The following NELL2 variants were observed in gnomAD, a reference collection of about 807,000 sequenced individuals.
The protein encoded by NELL2 is neural EGFL like 2, also known as protein kinase C-binding protein NELL2.
A neutral mutation model predicts 109.6 loss-of-function variants in NELL2; 41 were observed. The ratio of observed to expected loss-of-function variants is 0.37; its 90% CI spans 0.29 to 0.49. The LOEUF (loss-of-function observed/expected upper bound fraction) is 0.49. Ranked by LOEUF, NELL2 falls within the 20% of genes least tolerant of loss-of-function variation. The pLI, the probability that NELL2 is intolerant of heterozygous loss-of-function variation, is 0.98. For synonymous variants in NELL2, 355 were observed against 344.7 expected (o/e 1.03, Z -0.33); for missense variants, 900 against 1,008.3 (o/e 0.89, Z 1.45).
intron 9 of NELL2, among the ~76,000 whole-genome samples, chr12:44,771,917 A>G (rs1941567554): frequency 6.6e-6 from 1 of 152,240 alleles, no homozygotes; most frequent in African/African-American, 2.4e-5. Flanking sequence ...GACTGGCCAC[A>G]TGCACGTGTT....
chr12:44,644,842 C>A (rs1947033066), intron 13 of NELL2, among the ~76,000 whole-genome samples: 1 of 151,398 alleles, frequency 6.6e-6, no homozygotes. Context: ...GCAGAAACAA[C>A]AGACATTATC....
At chr12:44,687,430 C>T (rs572896641) in intron 12 of NELL2, among the ~76,000 whole-genome samples, 1 of 152,180 alleles carries the variant, frequency 6.6e-6, no homozygotes, top group East Asian at 1.9e-4. Context: ...TGGCTCCTCC[C>T]CCTCTTTGTG....
At chr12:44,806,843 A>G (rs1312124754) in intron 3 of NELL2, among the ~76,000 whole-genome samples, 2 of 151,860 alleles carry the variant, frequency 1.3e-5, no homozygotes, top group African/African-American at 4.8e-5. Context: ...CAGAAGAGAC[A>G]GCTCAGAAAT....
intron 15 of NELL2, among the ~76,000 whole-genome samples, chr12:44,563,488 C>G (rs1056890827): frequency 6.6e-6 from 1 of 151,986 alleles, no homozygotes; most frequent in African/African-American, 2.4e-5. Flanking sequence ...TAATACTAAT[C>G]CTAGTAAGTC....
chr12:44,921,418 C>T (rs932010656), intron 1 of NELL2, among the ~76,000 whole-genome samples: 1 of 152,130 alleles, frequency 6.6e-6, no homozygotes, highest in African/African-American at 2.4e-5. Context: ...AATTCAGTAA[C>T]TACGTAGGCG....
intron 3 of NELL2, among the ~76,000 whole-genome samples, chr12:44,784,371 A>G (rs372913980): frequency 1.1e-4 from 16 of 152,204 alleles, no homozygotes; most frequent in African/African-American, 2.2e-4. Context: ...GAAAAGAAAA[A>G]GAATACAGAA....
chr12:44,564,967 A>C (rs1024919373), intron 15 of NELL2, among the ~76,000 whole-genome samples: 2 of 152,182 alleles, frequency 1.3e-5, no homozygotes, highest in South Asian at 4.1e-4. Context: ...TGGTTCTCAC[A>C]GTGTGGACCC....
Position 44,779,758 on chromosome 12 carries a change from T to A in NELL2, c.511A>T (p.Ile171Phe). 6.2e-7 allele frequency: 1 copy of A among 1,613,900 alleles called. No individual in the cohort carries two copies. Among genetic ancestry groups the A allele is most frequent in the Non-Finnish European group, 8.5e-7 (1 of 1,179,822 alleles). Residue 171 changes from isoleucine (I) to phenylalanine (F), a missense_variant and splice_region_variant, in exon 5 of 20, where the codon ATT (isoleucine) becomes TTT (phenylalanine). Transcript: ENST00000429094. Reference protein sequence around the residue: ...HLILHIDCNKIYERVVEKPST... With the variant: ...HLILHIDCNKFYERVVEKPST... ...GGCTTTTCTACTACCCTTTCATAAATTCTGCAAAAAAGAAACATCAAAGAA... is the reference window on the plus strand; with the variant it reads ...GGCTTTTCTACTACCCTTTCATAAAATCTGCAAAAAAGAAACATCAAAGAA...
intron 15 of NELL2, among the ~76,000 whole-genome samples, chr12:44,593,580 G>T (rs1479079658): frequency 6.6e-6 from 1 of 152,192 alleles, no homozygotes; most frequent in Admixed American, 6.5e-5. Context: ...TGTCTTTATA[G>T]TAGAATGATT....
Position 44,508,872 on chromosome 12 carries a change from C to A in NELL2, c.*62G>T, listed in dbSNP as rs556621137. The A allele has an allele frequency of 1.9e-5, 28 of 1,450,050 alleles. No individual in the cohort carries two copies. The South Asian group carries it at 3.1e-4, about 16-fold the overall frequency. The allele number at this position is 1,450,050 out of a possible 1,614,324, so 89.8% of individuals were successfully genotyped here. On this transcript the variant is annotated 3_prime_UTR_variant, in exon 20 of 20. Coordinates refer to ENST00000429094, the MANE Select transcript of NELL2 (RefSeq NM_001145108.2). ...AATCACCCAATTTAAGTTTTAACTT[C>A]TTTTTGGTCTTTTAATGAAAGAACA...
At chr12:44,868,218 T>C (rs529323316) in intron 2 of NELL2, among the ~76,000 whole-genome samples, 1 of 149,500 alleles carries the variant, frequency 6.7e-6, no homozygotes, top group South Asian at 2.1e-4. Context: ...TACTTACATA[T>C]AAATTTAATC....
At chr12:44,865,793 C>T (rs1274526675) in intron 2 of NELL2, among the ~76,000 whole-genome samples, 3 of 79,704 alleles carry the variant, frequency 3.8e-5, no homozygotes, top group African/African-American at 9.4e-5. Flanking sequence ...TGCACATGTA[C>T]CCTAAAACTT....
intron 15 of NELL2, among the ~76,000 whole-genome samples, chr12:44,582,652 TAAGGTC>T (rs1195272086): frequency 1.3e-5 from 2 of 151,838 alleles, no homozygotes; most frequent in East Asian, 3.9e-4. Context: ...TAGGTGAGGA[TAAGGTC>T]AAGGTTATGA....
At chr12:44,583,187 T>C (rs1241611560) in intron 15 of NELL2, among the ~76,000 whole-genome samples, 1 of 152,148 alleles carries the variant, frequency 6.6e-6, no homozygotes, top group Non-Finnish European at 1.5e-5. Flanking sequence ...GGTGGAAGAA[T>C]GTCATTAACC....
intron 13 of NELL2, among the ~76,000 whole-genome samples, chr12:44,640,416 G>A: frequency 6.6e-6 from 1 of 152,146 alleles, no homozygotes; most frequent in Non-Finnish European, 1.5e-5. Flanking sequence ...ACCCTGATCT[G>A]TCCATCTCTA....
At chr12:44,680,584 A>C (rs751144980) in intron 12 of NELL2, among the ~76,000 whole-genome samples, 4 of 152,162 alleles carry the variant, frequency 2.6e-5, no homozygotes, top group Non-Finnish European at 5.9e-5. Context: ...TGAACAAGAC[A>C]CACAATTCAG....
At chr12:44,637,816 G>GA (rs1429956461) in intron 13 of NELL2, among the ~76,000 whole-genome samples, 1 of 151,328 alleles carries the variant, frequency 6.6e-6, no homozygotes, top group Non-Finnish European at 1.5e-5. Context: ...ATCTTAATGA[G>GA]AAAAAAAGTA....
intron 15 of NELL2, among the ~76,000 whole-genome samples, chr12:44,599,390 A>G (rs151073926): frequency 6.6e-6 from 1 of 152,286 alleles, no homozygotes; most frequent in East Asian, 1.9e-4. Context: ...GAACTAAGGA[A>G]AAAAGAACCA....
At chr12:44,684,362 A>T (rs1948638090) in intron 12 of NELL2, among the ~76,000 whole-genome samples, 1 of 152,128 alleles carries the variant, frequency 6.6e-6, no homozygotes, top group South Asian at 2.1e-4. Context: ...TCCTTTCAAA[A>T]AACCAGCTCC....
Sources: allele counts gnomAD v4.1 joint callset (sites outside exome capture counted in the v4.1 genomes callset), GRCh38; gene constraint gnomAD v4.1.1; transcripts MANE v1.5; gene names NCBI Gene and HGNC (gene_info 2026-07-23, HGNC 2026-07-21).